SGK1: variants seen among roughly 807,000 people sequenced by gnomAD.
SGK1 encodes the protein serum/glucocorticoid regulated kinase 1, also known as serine/threonine-protein kinase Sgk1.
SGK1 carries 26 observed loss-of-function variants against 64.2 expected under a neutral mutation model. That is an observed-to-expected ratio of 0.40 (90% CI 0.30 to 0.56). The LOEUF is 0.56. SGK1 is among the 20% of genes least tolerant of loss of function. The probability of loss-of-function intolerance (pLI) is 0.38; values close to 1 mark genes in which losing one functional copy is unlikely to be tolerated. For synonymous variants in SGK1, 265 were observed against 239.7 expected, an observed-to-expected ratio of 1.11 and a Z score of -0.98; for missense variants, 519 against 645.6, an observed-to-expected ratio of 0.80 and a Z score of 2.12.
intron 2 of SGK1, among the ~76,000 whole-genome samples, chr6:134,238,991 T>C (rs1171238335): frequency 6.6e-6 from 1 of 152,162 alleles, no homozygotes; most frequent in African/African-American, 2.4e-5. Flanking sequence ...ATTTTGTGAA[T>C]CAGAATTGAA....
At chr6:134,242,233 C>G (rs914647756) in intron 2 of SGK1, among the ~76,000 whole-genome samples, 1 of 152,020 alleles carries the variant, frequency 6.6e-6, no homozygotes, top group South Asian at 2.1e-4. Context: ...CGCCTGTAAT[C>G]CCAGCACTTT....
chr6:134,229,134 G>T (rs1284579855), intron 2 of SGK1, among the ~76,000 whole-genome samples: 1 of 152,228 alleles, frequency 6.6e-6, no homozygotes, highest in African/African-American at 2.4e-5. Flanking sequence ...CCCAGCGCGG[G>T]TCTTGTAGTT....
intron 2 of SGK1, among the ~76,000 whole-genome samples, chr6:134,234,948 A>G (rs905667582): frequency 6.6e-6 from 1 of 152,228 alleles, no homozygotes; most frequent in Non-Finnish European, 1.5e-5. Context: ...AAGGATGGCA[A>G]AATGAGTCAA....
Position 134,273,219 on chromosome 6 carries a change from T to G in SGK1, c.70-11071A>C, listed in dbSNP as rs1049204357. 8.1e-5 allele frequency among the ~76,000 whole-genome samples: 12 copies of G among 147,350 alleles called. 2 individuals are homozygous for G. The highest frequency in any genetic ancestry group is 2.1e-4 in the Admixed American group (3 of 14,346). On this transcript the variant is annotated intron_variant, in intron 1 of 13. Coordinates refer to ENST00000367858, the MANE Select transcript of SGK1 (RefSeq NM_001143676.3). ...CTATTGTGGTTATGGCTTCATTCCA[T>G]GGAAAGAGTTTTATACAAAGGGCCA... is the stretch of plus-strand genomic sequence containing the variant.
intron 1 of SGK1, among the ~76,000 whole-genome samples, chr6:134,275,357 A>C (rs1439815089): frequency 2.0e-5 from 3 of 152,050 alleles, no homozygotes; most frequent in Admixed American, 6.6e-5. Context: ...TCCCTTTTTA[A>C]TCTTAACCTC....
At chr6:134,235,331 T>G (rs964314713) in intron 2 of SGK1, among the ~76,000 whole-genome samples, 7 of 152,248 alleles carry the variant, frequency 4.6e-5, no homozygotes, top group East Asian at 3.9e-4. Context: ...GGGGAATATC[T>G]TCCTGAATTC....
chr6:134,178,915 A>C (rs1408408372), intron 3 of SGK1, among the ~76,000 whole-genome samples: 1 of 152,300 alleles, frequency 6.6e-6, no homozygotes, highest in African/African-American at 2.4e-5. Context: ...AAAAGTTTGC[A>C]CTGAAACTAA....
chr6:134,227,533 G>A (rs1776204208), intron 2 of SGK1, among the ~76,000 whole-genome samples: 1 of 152,204 alleles, frequency 6.6e-6, no homozygotes, highest in African/African-American at 2.4e-5. Flanking sequence ...GGCATTGCTG[G>A]AAAAGCTTTT....
At chr6:134,215,134 C>CTTTCTT (rs569795606) in intron 2 of SGK1, 179,267 of 384,996 alleles carry the variant, frequency 0.47, 25,752 homozygotes, top group East Asian at 0.52. Flanking sequence ...TTCTTTCTTT[C>CTTTCTT]TTTTTTTTTT....
At chr6:134,228,746 T>C (rs1241938426) in intron 2 of SGK1, among the ~76,000 whole-genome samples, 1 of 152,236 alleles carries the variant, frequency 6.6e-6, no homozygotes, top group Non-Finnish European at 1.5e-5. Context: ...GGTGTTTGCT[T>C]ATGATACCTT....
Position 134,317,618 on chromosome 6 carries a change from C to T in SGK1, c.-158G>A, listed in dbSNP as rs1777707022. On this transcript the variant is annotated 5_prime_UTR_variant, in exon 1 of 14. Coordinates refer to ENST00000367858, the MANE Select transcript of SGK1 (RefSeq NM_001143676.3). ...AGTTCTTCACTCGCGCATTCTGCAG[C>T]ACCAGCTACTGCAGCAACCTCTCCC... The T allele has an allele frequency of 1.5e-6, 1 of 657,820 alleles. No homozygotes were observed. The highest frequency in any genetic ancestry group is 2.8e-6 in the Non-Finnish European group (1 of 361,318). The allele number at this position is 657,820 out of a possible 1,614,324, so 40.7% of individuals were successfully genotyped here.
At chr6:134,173,910 A>G (rs1351883545) in intron 5 of SGK1, 95 bp downstream of exon 5, 1 of 818,888 alleles carries the variant, frequency 1.2e-6, no homozygotes, top group Non-Finnish European at 2.0e-6. Context: ...CCTTGATACT[A>G]ATTTCTAGAA....
chr6:134,297,088 G>A, intron 1 of SGK1: 1 of 492,384 alleles, frequency 2.0e-6, no homozygotes. Context: ...GAGCTGATGT[G>A]GCTGAAGGAG....
intron 2 of SGK1, among the ~76,000 whole-genome samples, chr6:134,223,878 G>C (rs1776129161): frequency 6.6e-6 from 1 of 152,108 alleles, no homozygotes; most frequent in South Asian, 2.1e-4. Flanking sequence ...AGTATTTAAT[G>C]GTCTACAGGT....
chr6:134,200,293 C>A (rs1330352521), intron 3 of SGK1, among the ~76,000 whole-genome samples: 1 of 152,148 alleles, frequency 6.6e-6, no homozygotes, highest in Admixed American at 6.5e-5. Flanking sequence ...CTTCCTTTCT[C>A]TATTTTTCAT....
chr6:134,248,297 C>A (rs533876955), intron 2 of SGK1, among the ~76,000 whole-genome samples: 1 of 152,052 alleles, frequency 6.6e-6, no homozygotes, highest in Admixed American at 6.6e-5. Context: ...GGAGTACAAA[C>A]AGATCAGTAC....
chr6:134,218,415 GTTTTC>G (rs77923710), intron 2 of SGK1, among the ~76,000 whole-genome samples: 11,870 of 147,104 alleles, frequency 0.081, 750 homozygotes, highest in East Asian at 0.24. Flanking sequence ...CATGGAACTT[GTTTTC>G]TTTTCTTTCT....
rs1316935054 is a variant in SGK1, at chr6:134,169,453, A to G, written c.*815T>C. 1 of 152,374 alleles carries G rather than the reference A, an allele frequency of 6.6e-6. No individual in the cohort carries two copies. The highest frequency in any genetic ancestry group is 1.5e-5 in the Non-Finnish European group (1 of 67,978). The allele number at this position is 152,374 out of a possible 1,614,324, so 9.4% of individuals were successfully genotyped here. On this transcript the variant is annotated 3_prime_UTR_variant, in exon 14 of 14. Transcript: ENST00000367858. ...CCAATGTACAGACGTTCTTTATACAATACATACAATTATCAGGAATGCAAA... is the reference window on the plus strand; with the variant it reads ...CCAATGTACAGACGTTCTTTATACAGTACATACAATTATCAGGAATGCAAA...
intron 2 of SGK1, among the ~76,000 whole-genome samples, chr6:134,244,735 C>A (rs145353473): frequency 1.5e-4 from 23 of 152,340 alleles, no homozygotes; most frequent in African/African-American, 5.5e-4. Flanking sequence ...TTGCTGGGAG[C>A]TGCAGACCAG....
Sources: allele counts gnomAD v4.1 joint callset (sites outside exome capture counted in the v4.1 genomes callset), GRCh38; gene constraint gnomAD v4.1.1; transcripts MANE v1.5; gene names NCBI Gene and HGNC (gene_info 2026-07-23, HGNC 2026-07-21).